NCAPD3: variants seen among roughly 807,000 people sequenced by gnomAD.
NCAPD3 encodes the protein condensin-2 complex subunit D3.
Under a neutral mutation model 182.9 loss-of-function variants are expected in NCAPD3, and 105 were observed. The ratio of observed to expected loss-of-function variants is 0.57; its 90% CI spans 0.49 to 0.68. The LOEUF is 0.68. Among genes scored for constraint, NCAPD3 ranks in the 30% least tolerant of loss-of-function variants. The pLI, the probability that NCAPD3 is intolerant of heterozygous loss-of-function variation, is 0.00. For missense variants in NCAPD3, 1,944 were observed against 1,837.0 expected, an observed-to-expected ratio of 1.06 and a Z score of -1.07; for synonymous variants, 815 against 679.9, an observed-to-expected ratio of 1.20 and a Z score of -3.09.
In NCAPD3 at chr11:134,202,271, C is replaced by T. The variant is rs143185764; in HGVS notation, c.1615+545G>A. Among the ~76,000 whole-genome samples the T allele has an allele frequency of 1.1e-3, 164 of 152,288 alleles. 3 individuals carry two copies. In the East Asian group the frequency reaches 0.024, roughly 22 times the overall value. Reference sequence around the variant, plus strand: ...TGTTTCTACAGACTTTCCCAACAGTCGTCTGGGAAAGATGGGAGGGTGTTA... The same window carrying T: ...TGTTTCTACAGACTTTCCCAACAGTTGTCTGGGAAAGATGGGAGGGTGTTA... On this transcript the variant is annotated intron_variant, in intron 13 of 34. Transcript: ENST00000534548.
At chr11:134,193,985 T>C (rs1944576247) in intron 15 of NCAPD3, 31 bp downstream of exon 15, 1 of 1,586,850 alleles carries the variant, frequency 6.3e-7, no homozygotes, top group Non-Finnish European at 8.6e-7. Flanking sequence ...TAAAATACCA[T>C]GCATTACATA....
At chr11:134,207,759 A>C (rs1287415280) in intron 7 of NCAPD3, among the ~76,000 whole-genome samples, 4 of 151,740 alleles carry the variant, frequency 2.6e-5, no homozygotes, top group Admixed American at 6.6e-5. Flanking sequence ...AAAAAAAAAA[A>C]AAAAAAAACC....
intron 28 of NCAPD3, among the ~76,000 whole-genome samples, chr11:134,161,158 T>C (rs2120566226): frequency 6.6e-6 from 1 of 152,164 alleles, no homozygotes; most frequent in East Asian, 1.9e-4. Flanking sequence ...AAACACATAA[T>C]GTGAACAGAG....
chr11:134,203,278 G>C (rs1944787241), intron 11 of NCAPD3, 80 bp from the exon 12 acceptor site: 1 of 1,046,844 alleles, frequency 9.6e-7, no homozygotes, highest in Admixed American at 2.0e-5. Flanking sequence ...TCAAAATCAA[G>C]ATAATTAGGC....
intron 3 of NCAPD3, among the ~76,000 whole-genome samples, chr11:134,215,552 C>G (rs1410318643): frequency 6.6e-6 from 1 of 152,156 alleles, no homozygotes; most frequent in African/African-American, 2.4e-5. Context: ...TTTACACTAG[C>G]ATTGAAAATA....
intron 23 of NCAPD3, 81 bp from the exon 24 acceptor site, chr11:134,176,467 ACGCGGTCTGTC>A (rs1944169129): frequency 1.7e-6 from 2 of 1,187,520 alleles, no homozygotes; most frequent in African/African-American, 3.0e-5. Context: ...CCCACCCACC[ACGCGGTCTGTC>A]CCCGGCACAC....
At chr11:134,210,646 CA>C (rs1937800434) in intron 3 of NCAPD3, among the ~76,000 whole-genome samples, 192 bp from the exon 4 acceptor site, 1 of 152,186 alleles carries the variant, frequency 6.6e-6, no homozygotes, top group African/African-American at 2.4e-5. Flanking sequence ...AGGTAAGTAA[CA>C]AGATTTCCAA....
chr11:134,184,848 C>T (rs1591841974), intron 18 of NCAPD3, 55 bp downstream of exon 18: 38 of 1,341,942 alleles, frequency 2.8e-5, no homozygotes, highest in Non-Finnish European at 3.7e-5. Context: ...CACACACACA[C>T]ACCTGAAATG....
chr11:134,159,273 A>C (rs1016895330), intron 29 of NCAPD3, among the ~76,000 whole-genome samples: 84 of 152,296 alleles, frequency 5.5e-4, no homozygotes, highest in Non-Finnish European at 1.0e-3. Context: ...TTCCATCCCT[A>C]CCAACAGTGT....
rs984285422 is a variant in NCAPD3, at chr11:134,184,766, C to T, written c.2336-14G>A. 6.3e-7 allele frequency: 1 copy of T among 1,597,798 alleles called. No homozygotes were observed. The stretch of plus-strand genomic sequence containing the variant: ...ACTTGACAGCATCTATGAAGGAAGT[C>T]AAAACCCCTGAAGTTCAACTGCTTA... On this transcript the variant is annotated splice_polypyrimidine_tract_variant and intron_variant, in intron 18 of 34. Transcript: ENST00000534548.
At position 134,178,616 on chromosome 11, in the gene NCAPD3, C is replaced by A; in HGVS notation, c.2782+18G>T. The A allele has an allele frequency of 1.3e-6, 2 of 1,508,010 alleles. No individual in the cohort carries two copies. The highest frequency in any genetic ancestry group is 8.9e-7 in the Non-Finnish European group (1 of 1,118,610). The allele number at this position is 1,508,010 out of a possible 1,614,324, so 93.4% of individuals were successfully genotyped here. A position where few individuals can be genotyped will look rare whatever the true frequency, so the allele number is the denominator to read the frequency against. ...ACACAGAACGATGTCAAGCCCCATT[C>A]TCCCATGTTTTTCTTACCTAAGGTA... On this transcript the variant is annotated intron_variant, in intron 22 of 34. Transcript: ENST00000534548.
chr11:134,221,056 A>AGGT (rs1440477668), intron 1 of NCAPD3, among the ~76,000 whole-genome samples: 1 of 152,226 alleles, frequency 6.6e-6, no homozygotes, highest in East Asian at 1.9e-4. Context: ...GAAGAAACAG[A>AGGT]GGTTAATCAG....
At chr11:134,173,496 G>T in intron 24 of NCAPD3, 2 of 153,746 alleles carry the variant, frequency 1.3e-5, no homozygotes, top group South Asian at 3.6e-4. Flanking sequence ...CCCAGCTACT[G>T]AGCTGCTGGA....
At chr11:134,167,716 TGGG>T (rs1310629107) in intron 27 of NCAPD3, among the ~76,000 whole-genome samples, 1 of 84,268 alleles carries the variant, frequency 1.2e-5, no homozygotes, top group Non-Finnish European at 2.2e-5. Context: ...GAGGTGAGCT[TGGG>T]GGAGGCGCAC....
At chr11:134,203,533 G>T in intron 11 of NCAPD3, 121 bp downstream of exon 11, 2 of 1,309,498 alleles carry the variant, frequency 1.5e-6, no homozygotes, top group African/African-American at 1.5e-5. Flanking sequence ...AAATGGTTTT[G>T]AGAGTAAAAA....
At chr11:134,162,694 C>T (rs905155507) in intron 27 of NCAPD3, among the ~76,000 whole-genome samples, 2 of 152,154 alleles carry the variant, frequency 1.3e-5, no homozygotes, top group African/African-American at 4.8e-5. Flanking sequence ...CAGATGTGAG[C>T]AGATGTTATG....
intron 3 of NCAPD3, among the ~76,000 whole-genome samples, chr11:134,215,620 A>G (rs559109937): frequency 6.6e-6 from 1 of 152,304 alleles, no homozygotes; most frequent in East Asian, 1.9e-4. Context: ...AAAATTATAG[A>G]GCATTATTGA....
chr11:134,203,085 T>C, intron 12 of NCAPD3, 57 bp downstream of exon 12: 2 of 1,375,858 alleles, frequency 1.5e-6, no homozygotes, highest in Non-Finnish European at 2.0e-6. Flanking sequence ...ATTTTAAATA[T>C]TCCACAAATT....
intron 3 of NCAPD3, among the ~76,000 whole-genome samples, chr11:134,213,313 G>GA (rs1419249269): frequency 6.6e-6 from 1 of 151,714 alleles, no homozygotes; most frequent in Non-Finnish European, 1.5e-5. Context: ...GACAGACTGA[G>GA]ACCCTGGACC....
Sources: allele counts gnomAD v4.1 joint callset (sites outside exome capture counted in the v4.1 genomes callset), GRCh38; gene constraint gnomAD v4.1.1; transcripts MANE v1.5; gene names NCBI Gene and HGNC (gene_info 2026-07-23, HGNC 2026-07-21).